Variants in LRRC3B observed in about 807,000 individuals in gnomAD.
LRRC3B encodes leucine rich repeat containing 3B.
Under a neutral mutation model 12.8 loss-of-function variants are expected in LRRC3B, and 2 were observed. The ratio of observed to expected loss-of-function variants is 0.16; its 90% confidence interval spans 0.06 to 0.49. The LOEUF (loss-of-function observed/expected upper bound fraction) is 0.49, where lower values mean the gene tolerates loss of function less well. LRRC3B is among the 20% of genes least tolerant of loss of function. The probability of loss-of-function intolerance (pLI) is 0.96; values close to 1 mark genes in which losing one functional copy is unlikely to be tolerated. For synonymous variants in LRRC3B, 132 were observed against 122.0 expected (o/e 1.08, Z -0.54); for missense variants, 189 against 319.4 (o/e 0.59, Z 3.11).
chr3:26,641,307 T>C (rs1457100302), intron 1 of LRRC3B, among the ~76,000 whole-genome samples: 3 of 152,104 alleles, frequency 2.0e-5, no homozygotes, highest in African/African-American at 7.2e-5. Context: ...ACTAGGAAAC[T>C]GGGGGTGGAG....
At chr3:26,707,199 GAAAAA>G (rs34703302) in intron 1 of LRRC3B, among the ~76,000 whole-genome samples, 1 of 129,988 alleles carries the variant, frequency 7.7e-6, no homozygotes, top group African/African-American at 3.1e-5. Flanking sequence ...TAAAAATACA[GAAAAA>G]AAAAAAAAAA....
chr3:26,677,041 A>G (rs1699874580), intron 1 of LRRC3B, among the ~76,000 whole-genome samples: 1 of 152,172 alleles, frequency 6.6e-6, no homozygotes, highest in Admixed American at 6.5e-5. Flanking sequence ...TCTAGGGGTC[A>G]AGAGCACACA....
chr3:26,642,027 T>C (rs1699041222), intron 1 of LRRC3B, among the ~76,000 whole-genome samples: 1 of 152,204 alleles, frequency 6.6e-6, no homozygotes, highest in Non-Finnish European at 1.5e-5. Flanking sequence ...AAAAAAATTA[T>C]GTTGTGCAAA....
chr3:26,657,880 G>C (rs1311988596), intron 1 of LRRC3B, among the ~76,000 whole-genome samples: 3 of 152,136 alleles, frequency 2.0e-5, no homozygotes, highest in African/African-American at 4.8e-5. Flanking sequence ...GGTTGTTGCA[G>C]GTGAGGCCGC....
At chr3:26,710,287 C>T (rs1700718808) in exon 2 of LRRC3B, 4 of 1,613,978 alleles carry the variant, frequency 2.5e-6, no homozygotes, top group Non-Finnish European at 3.4e-6. Context: ...CCGATTATGC[C>T]ATGCTGGTCA....
intron 1 of LRRC3B, among the ~76,000 whole-genome samples, chr3:26,660,981 T>C (rs934566004): frequency 3.3e-5 from 5 of 152,224 alleles, no homozygotes; most frequent in Admixed American, 6.5e-5. Context: ...AGTTACTTTT[T>C]AGATACTCTT....
At chr3:26,671,410 A>G (rs113899802) in intron 1 of LRRC3B, among the ~76,000 whole-genome samples, 6 of 131,804 alleles carry the variant, frequency 4.6e-5, no homozygotes, top group Non-Finnish European at 8.0e-5. Flanking sequence ...AGAGAGAGAG[A>G]GAGACGAAGT....
intron 1 of LRRC3B, among the ~76,000 whole-genome samples, chr3:26,694,030 G>A (rs997269941): frequency 6.6e-6 from 1 of 152,148 alleles, no homozygotes; most frequent in African/African-American, 2.4e-5. Context: ...GACATTAGTT[G>A]GTGGTGGGTG....
At chr3:26,671,806 G>C (rs1402876141) in intron 1 of LRRC3B, among the ~76,000 whole-genome samples, 3 of 152,110 alleles carry the variant, frequency 2.0e-5, no homozygotes, top group Non-Finnish European at 4.4e-5. Flanking sequence ...AATTTAACCA[G>C]AACCACACTT....
At chr3:26,624,141 C>T (rs1698568722) in intron 1 of LRRC3B, 1 of 152,344 alleles carries the variant, frequency 6.6e-6, no homozygotes, top group South Asian at 2.1e-4. Flanking sequence ...CCCTTGGGTA[C>T]TTGGGAAGGC....
intron 1 of LRRC3B, among the ~76,000 whole-genome samples, chr3:26,708,142 T>C (rs779359920): frequency 1.3e-5 from 2 of 152,198 alleles, no homozygotes; most frequent in African/African-American, 2.4e-5. Context: ...TTTCAGAAAG[T>C]CATTAGTTGC....
rs145908569 is a variant in LRRC3B, at chr3:26,672,708, T to C, written c.-160-36805T>C. Among the ~76,000 whole-genome samples the C allele has an allele frequency of 6.7e-3, 1,022 of 152,376 alleles. 6 individuals are homozygous for C. The highest frequency in any genetic ancestry group is 0.039 in the South Asian group (187 of 4,824). On this transcript the variant is annotated intron_variant, in intron 1 of 1. Transcript: ENST00000396641. Reference sequence around the variant, plus strand: ...TGCTCCAATTAGAGTGGCTATGCTATGTAGCTGCTTAAGATTTTTGGATTC... The same window carrying C: ...TGCTCCAATTAGAGTGGCTATGCTACGTAGCTGCTTAAGATTTTTGGATTC...
intron 1 of LRRC3B, among the ~76,000 whole-genome samples, chr3:26,688,861 T>G (rs1046480887): frequency 6.6e-6 from 1 of 152,220 alleles, no homozygotes; most frequent in Non-Finnish European, 1.5e-5. Context: ...TTAACCACTT[T>G]GATTTGTGGC....
At chr3:26,636,146 T>C (rs1272004164) in intron 1 of LRRC3B, among the ~76,000 whole-genome samples, 1 of 152,156 alleles carries the variant, frequency 6.6e-6, no homozygotes, top group Non-Finnish European at 1.5e-5. Flanking sequence ...CAAGATCTCT[T>C]AGAACCATTC....
At chr3:26,708,683 C>T (rs369493814) in intron 1 of LRRC3B, among the ~76,000 whole-genome samples, 1 of 152,226 alleles carries the variant, frequency 6.6e-6, no homozygotes, top group South Asian at 2.1e-4. Context: ...TTTCTGTAGC[C>T]CCTGCCAACA....
chr3:26,693,531 A>T (rs1007290730), intron 1 of LRRC3B, among the ~76,000 whole-genome samples: 1 of 152,192 alleles, frequency 6.6e-6, no homozygotes, highest in Admixed American at 6.5e-5. Context: ...GCAAAAGACC[A>T]TGGATAATAC....
chr3:26,685,519 CTCTCTATATATATA>C (rs1479652379), intron 1 of LRRC3B, among the ~76,000 whole-genome samples: 74 of 47,758 alleles, frequency 1.5e-3, no homozygotes, highest in African/African-American at 2.8e-3. Context: ...CTCTCTCTCT[CTCTCTATATATATA>C]TATATATATA....
At chr3:26,629,004 C>T (rs556877221) in intron 1 of LRRC3B, among the ~76,000 whole-genome samples, 72 of 152,262 alleles carry the variant, frequency 4.7e-4, no homozygotes, top group African/African-American at 1.7e-3. Flanking sequence ...GCAAATGTCA[C>T]TACCTTTTCA....
chr3:26,687,901 C>G (rs1412803851), intron 1 of LRRC3B, among the ~76,000 whole-genome samples: 1 of 152,216 alleles, frequency 6.6e-6, no homozygotes, highest in African/African-American at 2.4e-5. Context: ...GCAGCTTTAT[C>G]TCATCCCACA....
Sources: gnomAD v4.1 joint callset for allele counts (sites outside exome capture counted in the v4.1 genomes callset) on GRCh38, gnomAD v4.1.1 for gene constraint, MANE v1.5 for transcripts, NCBI Gene and HGNC (gene_info 2026-07-23, HGNC 2026-07-21) for gene names.